The following ITGB6 variants were observed in gnomAD, a reference collection of about 807,000 sequenced individuals.
The protein encoded by ITGB6 is integrin subunit beta 6.
A neutral mutation model predicts 84.5 loss-of-function variants in ITGB6; 80 were observed. The observed-to-expected ratio is 0.95, with a 90% CI of 0.79 to 1.14. ITGB6 has a LOEUF of 1.14. Among genes scored for constraint, ITGB6 ranks in the 50% most tolerant of loss-of-function variants. The pLI, the probability that ITGB6 is intolerant of heterozygous loss-of-function variation, is 0.00. For synonymous variants in ITGB6, 383 were observed against 354.9 expected (o/e 1.08, Z -0.89); for missense variants, 1,006 against 968.0 (o/e 1.04, Z -0.52).
At chr2:160,192,119 G>A (rs1686164739) in intron 4 of ITGB6, among the ~76,000 whole-genome samples, 1 of 152,072 alleles carries the variant, frequency 6.6e-6, no homozygotes, top group African/African-American at 2.4e-5. Flanking sequence ...TGAAGAAATT[G>A]ACAAGTTGAT....
intron 4 of ITGB6, among the ~76,000 whole-genome samples, chr2:160,175,844 C>T (rs568440737): frequency 1.2e-4 from 19 of 152,310 alleles, no homozygotes; most frequent in African/African-American, 4.3e-4. Context: ...GAACCTAACC[C>T]TATATTTTCC....
intron 12 of ITGB6, among the ~76,000 whole-genome samples, chr2:160,115,947 AG>A (rs1160711936): frequency 6.7e-6 from 1 of 149,492 alleles, no homozygotes; most frequent in African/African-American, 2.5e-5. Flanking sequence ...TGAAGTGAGA[AG>A]GGAAGTTTAG....
At chr2:160,132,368 G>C (rs1371306532) in intron 10 of ITGB6, among the ~76,000 whole-genome samples, 5 of 152,112 alleles carry the variant, frequency 3.3e-5, no homozygotes, top group Non-Finnish European at 4.4e-5. Context: ...CTTATTGGCT[G>C]CAACAGCAGC....
At chr2:160,160,175 G>A (rs1461884563) in intron 7 of ITGB6, among the ~76,000 whole-genome samples, 1 of 152,196 alleles carries the variant, frequency 6.6e-6, no homozygotes, top group African/African-American at 2.4e-5. Context: ...CAGAAACCAT[G>A]TGGCCACAAT....
chr2:160,147,747 C>A lies in ITGB6; in HGVS notation c.1018-5676G>T, dbSNP rs181259078. The stretch of plus-strand genomic sequence containing the variant: ...GAGCAAGGGTAGTCTTTTCAACAAA[C>A]GGTGCTTGAACAACTGGACATTCAC... On this transcript the variant is annotated intron_variant, in intron 7 of 14. Transcript: ENST00000283249. Among the ~76,000 whole-genome samples the A allele has an allele frequency of 4.6e-5, 7 of 152,172 alleles. No homozygotes were observed. In the East Asian group the frequency reaches 1.4e-3, roughly 29 times the overall value.
intron 3 of ITGB6, 89 bp downstream of exon 3, chr2:160,196,127 A>G (rs1686323282): frequency 1.9e-6 from 2 of 1,041,866 alleles, no homozygotes; most frequent in Admixed American, 1.9e-5. Context: ...AATCAATGAT[A>G]TGTAATATGA....
At chr2:160,172,014 G>C (rs1685224090) in intron 6 of ITGB6, among the ~76,000 whole-genome samples, 1 of 152,232 alleles carries the variant, frequency 6.6e-6, no homozygotes, top group Non-Finnish European at 1.5e-5. Flanking sequence ...GGTCTATTGA[G>C]GAGATCATGC....
chr2:160,141,073 T>C (rs1211664059), intron 8 of ITGB6, among the ~76,000 whole-genome samples: 2 of 149,380 alleles, frequency 1.3e-5, no homozygotes. Context: ...CAGATGGGCC[T>C]TTTTTTTTGT....
intron 12 of ITGB6, among the ~76,000 whole-genome samples, chr2:160,119,713 A>G (rs1478968483): frequency 1.3e-5 from 2 of 152,154 alleles, no homozygotes; most frequent in Non-Finnish European, 2.9e-5. Flanking sequence ...AGAAACCACC[A>G]TCAGAATGAA....
At chr2:160,113,208 A>C (rs1351359668) in intron 12 of ITGB6, among the ~76,000 whole-genome samples, 1 of 152,242 alleles carries the variant, frequency 6.6e-6, no homozygotes, top group East Asian at 1.9e-4. Flanking sequence ...ATAATCTTGG[A>C]CATACTCCTA....
chr2:160,192,382 G>A (rs1357284797), intron 4 of ITGB6, among the ~76,000 whole-genome samples: 1 of 152,096 alleles, frequency 6.6e-6, no homozygotes, highest in African/African-American at 2.4e-5. Flanking sequence ...AGAAATTCTT[G>A]TGTAACAAAT....
intron 9 of ITGB6, 49 bp downstream of exon 9, chr2:160,138,016 C>T (rs767860576): frequency 6.4e-7 from 1 of 1,567,588 alleles, no homozygotes. Context: ...CAGCTAATTT[C>T]TGACCCATCC....
chr2:160,195,383 A>T lies in ITGB6; in HGVS notation c.579T>A (p.Ile193=), dbSNP rs1357614170. 6.2e-7 allele frequency: 1 copy of T among 1,614,148 alleles called. No homozygotes were observed. The highest frequency in any genetic ancestry group is 8.5e-7 in the Non-Finnish European group (1 of 1,179,986). The change falls in exon 4 of 15, where the codon ATT becomes ATA. Residue 193 remains isoleucine, a synonymous_variant. Coordinates refer to ENST00000283249, the MANE Select transcript of ITGB6 (RefSeq NM_000888.5). Reference sequence around the variant, plus strand: ...CATTTACTTACCTGCAAGGGTTGGCAATTTCTTCTGGTGTTGTTTTCACAA... The same window carrying T: ...CATTTACTTACCTGCAAGGGTTGGCTATTTCTTCTGGTGTTGTTTTCACAA... ...SPFVKTTPEE[I]ANPCSSIPYF...
chr2:160,121,777 GA>G (rs61500846), intron 12 of ITGB6, among the ~76,000 whole-genome samples: 17,507 of 142,838 alleles, frequency 0.12, 2,014 homozygotes, highest in East Asian at 0.3. Context: ...CAAAAAAAAA[GA>G]AAAAAAAAAA....
intron 4 of ITGB6, among the ~76,000 whole-genome samples, chr2:160,181,398 G>A (rs1367943593): frequency 1.3e-5 from 2 of 152,176 alleles, no homozygotes; most frequent in Non-Finnish European, 2.9e-5. Flanking sequence ...AGAGCTCACC[G>A]CAGCTCGGCA....
intron 7 of ITGB6, among the ~76,000 whole-genome samples, chr2:160,167,176 T>C (rs1207849154): frequency 1.3e-5 from 2 of 152,198 alleles, no homozygotes; most frequent in Non-Finnish European, 2.9e-5. Flanking sequence ...AAACATCAAA[T>C]CGCACAGGAC....
At chr2:160,179,522 A>C (rs1685576563) in intron 4 of ITGB6, among the ~76,000 whole-genome samples, 2 of 150,004 alleles carry the variant, frequency 1.3e-5, no homozygotes, top group African/African-American at 4.9e-5. Context: ...CTGAGATTAC[A>C]GGCATGCACC....
At chr2:160,169,371 T>A in intron 6 of ITGB6, 64 bp from the exon 7 acceptor site, 1 of 977,990 alleles carries the variant, frequency 1.0e-6, no homozygotes, top group Non-Finnish European at 1.5e-6. Flanking sequence ...GAAAGGAATA[T>A]TTATTTCAAA....
At chr2:160,187,888 T>C (rs1454651894) in intron 4 of ITGB6, among the ~76,000 whole-genome samples, 2 of 152,120 alleles carry the variant, frequency 1.3e-5, no homozygotes, top group Non-Finnish European at 2.9e-5. Context: ...GGGCTCTTAA[T>C]TTTCAAGAGT....
Sources: gnomAD v4.1 joint callset for allele counts (sites outside exome capture counted in the v4.1 genomes callset) on GRCh38, gnomAD v4.1.1 for gene constraint, MANE v1.5 for transcripts, NCBI Gene and HGNC (gene_info 2026-07-23, HGNC 2026-07-21) for gene names.